SAMTOR: variants seen among roughly 807,000 people sequenced by gnomAD.
SAMTOR encodes the protein S-adenosylmethionine sensor upstream of mTORC1.
the SAMTOR span, chr7:112,821,866 C>G: frequency 1.2e-6 from 2 of 1,613,566 alleles, no homozygotes; most frequent in Non-Finnish European, 1.7e-6. Context: ...GCTAGTTGTT[C>G]ATCTTCTATA....
chr7:112,939,260 C>T, the SAMTOR span: 4 of 324,614 alleles, frequency 1.2e-5, no homozygotes, highest in Non-Finnish European at 2.3e-5. Flanking sequence ...AAAAGCGACC[C>T]CCACCTCCTC....
At chr7:112,843,310 T>C in the SAMTOR span, among the ~76,000 whole-genome samples, 1 of 151,980 alleles carries the variant, frequency 6.6e-6, no homozygotes, top group Non-Finnish European at 1.5e-5. Flanking sequence ...AGCTATGATA[T>C]AGTAACAAGT....
At chr7:112,915,343 T>G in the SAMTOR span, 1 of 1,613,068 alleles carries the variant, frequency 6.2e-7, no homozygotes, top group Non-Finnish European at 8.5e-7. Context: ...CCCTCACAAG[T>G]TTTTGCCCAA....
At chr7:112,850,758 C>T in the SAMTOR span, among the ~76,000 whole-genome samples, 2 of 152,150 alleles carry the variant, frequency 1.3e-5, no homozygotes, top group South Asian at 2.1e-4. Flanking sequence ...TGTAATGTCA[C>T]CTTTGTCATT....
chr7:112,911,219 C>T, the SAMTOR span, among the ~76,000 whole-genome samples: 1 of 152,154 alleles, frequency 6.6e-6, no homozygotes, highest in African/African-American at 2.4e-5. Context: ...TATGTGAAGG[C>T]AGCAACAGCA....
the SAMTOR span, among the ~76,000 whole-genome samples, chr7:112,824,322 A>G: frequency 1.3e-5 from 2 of 151,704 alleles, no homozygotes; most frequent in African/African-American, 2.4e-5. Context: ...TGGCTTTTTC[A>G]TTTAGGTCTA....
At chr7:112,932,265 C>T in the SAMTOR span, among the ~76,000 whole-genome samples, 23 of 152,206 alleles carry the variant, frequency 1.5e-4, no homozygotes, top group South Asian at 4.4e-3. Flanking sequence ...GAGAGACATA[C>T]ATTATACCCA....
chr7:112,919,868 G>C, the SAMTOR span, among the ~76,000 whole-genome samples: 3,424 of 152,092 alleles, frequency 0.023, 65 homozygotes, highest in Admixed American at 0.042. Context: ...ATAAATTCCT[G>C]GACACATACA....
the SAMTOR span, among the ~76,000 whole-genome samples, chr7:112,882,514 C>A: frequency 3.3e-5 from 5 of 152,026 alleles, no homozygotes; most frequent in Non-Finnish European, 5.9e-5. Flanking sequence ...CATGGTGAAA[C>A]CCCATCTCTA....
chr7:112,845,784 G>A, the SAMTOR span, among the ~76,000 whole-genome samples: 1 of 152,152 alleles, frequency 6.6e-6, no homozygotes, highest in South Asian at 2.1e-4. Flanking sequence ...ACATGCACAT[G>A]TATGTTCACT....
the SAMTOR span, among the ~76,000 whole-genome samples, chr7:112,868,239 G>A: frequency 6.6e-6 from 1 of 152,184 alleles, no homozygotes; most frequent in African/African-American, 2.4e-5. Context: ...TGGTGGATTA[G>A]AGGCTTTCAG....
At chr7:112,854,630 G>T in the SAMTOR span, among the ~76,000 whole-genome samples, 1 of 152,256 alleles carries the variant, frequency 6.6e-6, no homozygotes, top group South Asian at 2.1e-4. Flanking sequence ...GCTACACAAA[G>T]AATGTAACCG....
At chr7:112,873,904 C>G in the SAMTOR span, among the ~76,000 whole-genome samples, 1 of 151,894 alleles carries the variant, frequency 6.6e-6, no homozygotes, top group Admixed American at 6.6e-5. Context: ...AGGACATGAA[C>G]AGATATTTAA....
the SAMTOR span, among the ~76,000 whole-genome samples, chr7:112,917,322 T>C: frequency 6.6e-6 from 1 of 152,200 alleles, no homozygotes. Flanking sequence ...CAGCCACCGC[T>C]GCTCCAGGCA....
At chr7:112,923,180 C>T in the SAMTOR span, among the ~76,000 whole-genome samples, 4 of 152,168 alleles carry the variant, frequency 2.6e-5, no homozygotes, top group Non-Finnish European at 5.9e-5. Context: ...GACCTTACCC[C>T]TAACCCTGTG....
At chr7:112,822,374 C>G in the SAMTOR span, 1 of 1,574,742 alleles carries the variant, frequency 6.4e-7, no homozygotes, top group East Asian at 2.2e-5. Flanking sequence ...TATAGACACT[C>G]TGCAGAAACA....
the SAMTOR span, among the ~76,000 whole-genome samples, chr7:112,893,245 C>T: frequency 2.2e-4 from 33 of 152,348 alleles, no homozygotes; most frequent in East Asian, 6.4e-3. Flanking sequence ...GCGCCTTCTT[C>T]TTCCAATAGA....
the SAMTOR span, chr7:112,939,130 C>G: frequency 6.1e-6 from 1 of 163,682 alleles, no homozygotes; most frequent in South Asian, 1.4e-4. Flanking sequence ...GGAAGGGGGT[C>G]TGATAAGGAA....
the SAMTOR span, among the ~76,000 whole-genome samples, chr7:112,923,058 T>C: frequency 5.9e-5 from 9 of 152,186 alleles, no homozygotes; most frequent in Non-Finnish European, 8.8e-5. Flanking sequence ...GGGGAAAAGA[T>C]TGAGAAATCG....
Sources: allele counts gnomAD v4.1 joint callset (sites outside exome capture counted in the v4.1 genomes callset), GRCh38; gene constraint gnomAD v4.1.1; transcripts MANE v1.5; gene names NCBI Gene and HGNC (gene_info 2026-07-23, HGNC 2026-07-21).